FOXO3B: variants seen among roughly 807,000 people sequenced by gnomAD.
FOXO3B encodes forkhead box protein O3B.
In FOXO3B, 15 loss-of-function variants were observed where a neutral mutation model predicts 21.9. The ratio of observed to expected loss-of-function variants is 0.68; its 90% CI spans 0.46 to 1.05. The LOEUF (loss-of-function observed/expected upper bound fraction) is 1.05. Among genes scored for constraint, FOXO3B ranks in the 50% least tolerant of loss-of-function variants. The pLI is 0.00. For synonymous variants in FOXO3B, 135 were observed against 213.6 expected, an observed-to-expected ratio of 0.63 and a Z score of 3.21; for missense variants, 293 against 435.5, an observed-to-expected ratio of 0.67 and a Z score of 2.91.
In FOXO3B at chr17:18,671,968, A is replaced by T; in HGVS notation, c.*341T>A. Reference sequence around the variant, plus strand: ...CATGATGGGCGACAGGCGGCCACTGACTGTGCTGGCGTTAGAATTGGTGCG... The same window carrying T: ...CATGATGGGCGACAGGCGGCCACTGTCTGTGCTGGCGTTAGAATTGGTGCG... On this transcript the variant is annotated 3_prime_UTR_variant, in exon 4 of 4. Coordinates refer to ENST00000395675, the MANE Select transcript of FOXO3B (RefSeq NM_001368135.1). 1 of 1,613,342 alleles carries T rather than the reference A, an allele frequency of 6.2e-7. No individual in the cohort carries two copies. The highest frequency in any genetic ancestry group is 1.7e-5 in the Admixed American group (1 of 59,964).
chr17:18,672,242 C>G lies in FOXO3B; in HGVS notation c.*67G>C, dbSNP rs2032383191. On this transcript the variant is annotated 3_prime_UTR_variant, in exon 4 of 4. Transcript: ENST00000395675. This position sits in a 1 kb window ranked among gnomAD's most constrained non-coding sequence, Gnocchi z 4.2. ...TTGATGATCCACCAAGAGCTCTTGC[C>G]AGTTCCCTCATTCTGGACCCGCATG... The G allele has an allele frequency of 1.4e-5, 23 of 1,612,960 alleles. No individual in the cohort carries two copies. The highest frequency in any genetic ancestry group is 1.9e-5 in the Non-Finnish European group (22 of 1,179,186).
At chr17:18,680,265 TTTAAA>T (rs1347576379) in intron 3 of FOXO3B, among the ~76,000 whole-genome samples, 1 of 152,266 alleles carries the variant, frequency 6.6e-6, no homozygotes, top group Non-Finnish European at 1.5e-5. Context: ...ACTGTAACTC[TTTAAA>T]TTACGCCTTC....
intron 3 of FOXO3B, among the ~76,000 whole-genome samples, chr17:18,675,727 A>G (rs2649419): frequency 2.0e-5 from 3 of 152,168 alleles, no homozygotes; most frequent in Non-Finnish European, 4.4e-5. Context: ...AGTAACATAA[A>G]ATTATTCCAT....
chr17:18,676,213 T>G (rs202109202), intron 3 of FOXO3B, among the ~76,000 whole-genome samples: 2 of 152,190 alleles, frequency 1.3e-5, no homozygotes, highest in East Asian at 3.8e-4. Context: ...AAAACATCAT[T>G]TTGCATCCAT....
chr17:18,670,202 C>T lies in FOXO3B; in HGVS notation c.*2107G>A, dbSNP rs187724219. On this transcript the variant is annotated 3_prime_UTR_variant, in exon 4 of 4. Transcript: ENST00000395675. ...ACTGGGCTGGACGCTGTGCTCCACT[C>T]GTTTTGCCTATGCATGGTTCAGTCC... Among the ~76,000 whole-genome samples, 9 of 152,356 alleles carry T rather than the reference C, an allele frequency of 5.9e-5. No homozygotes were observed. The South Asian group carries it at 1.2e-3, about 21-fold the overall frequency.
Position 18,668,462 on chromosome 17 carries a change from G to A in FOXO3B, c.*3847C>T, listed in dbSNP as rs149886339. On this transcript the variant is annotated 3_prime_UTR_variant, in exon 4 of 4. Coordinates refer to ENST00000395675, the MANE Select transcript of FOXO3B (RefSeq NM_001368135.1). Reference sequence around the variant, plus strand: ...ACATTCTGCCTGAAATTCAACAAACGCTAGAAAAGGAGAATAAATGAGATA... The same window carrying A: ...ACATTCTGCCTGAAATTCAACAAACACTAGAAAAGGAGAATAAATGAGATA... 2.6e-3 allele frequency: 391 copies of A among 152,602 alleles called. 3 individuals are homozygous for A. Among genetic ancestry groups the A allele is most frequent in the African/African-American group, 9.0e-3 (372 of 41,492 alleles). 9.5% of individuals were successfully genotyped at this position (152,602 alleles called of 1,614,324 possible).
intron 3 of FOXO3B, among the ~76,000 whole-genome samples, chr17:18,680,395 T>C (rs1382600325): frequency 1.3e-5 from 2 of 152,112 alleles, no homozygotes; most frequent in Non-Finnish European, 2.9e-5. Context: ...ATACATGCTG[T>C]TTCCTCTAGA....
At chr17:18,679,442 T>C (rs942997397) in intron 3 of FOXO3B, among the ~76,000 whole-genome samples, 144 of 142,716 alleles carry the variant, frequency 1.0e-3, no homozygotes, top group Non-Finnish European at 1.8e-3. Flanking sequence ...GCTCCTTTTT[T>C]CCTCCTCAAC....
Position 18,672,686 on chromosome 17 carries a change from C to T in FOXO3B, c.496G>A (p.Gly166Ser), listed in dbSNP as rs971920564. 6.5e-5 allele frequency: 99 copies of T among 1,524,096 alleles called. No homozygotes were observed. The highest frequency in any genetic ancestry group is 8.2e-5 in the Non-Finnish European group (94 of 1,143,226). 94.4% of individuals were successfully genotyped at this position (1,524,096 alleles called of 1,614,324 possible). A position where few individuals can be genotyped will look rare whatever the true frequency, so the allele number is the denominator to read the frequency against. ...ACCAGCGTGCGGCTCCCGCCGCCGC[C>T]GCCGATCGCCATGGCCGAGCCGGCC... is the stretch of plus-strand genomic sequence containing the variant. ...GRAGSAMAIG[G>S]GGGSRTLVSG... Residue 166 changes from glycine (G) to serine (S), a missense_variant, in exon 4 of 4, where the codon GGC becomes AGC. This residue lies in a region of FOXO3B where 251 missense variants were observed against 404.0 expected (regional missense o/e 0.62). Transcript: ENST00000395675. This position sits in a 1 kb window ranked among gnomAD's most constrained non-coding sequence, Gnocchi z 4.2.
chr17:18,670,995 GA>G lies in FOXO3B; in HGVS notation c.*1313del. 1 of 1,331,326 alleles carries G rather than the reference GA, an allele frequency of 7.5e-7. No homozygotes were observed. The highest frequency in any genetic ancestry group is 1.3e-5 in the South Asian group (1 of 77,436). 82.5% of individuals were successfully genotyped at this position (1,331,326 alleles called of 1,614,324 possible). ...AACAACATTCTGTGTGGAGATGAGG[GA>G]ATCAAAGTTAAAATCCAACCCATCA... On this transcript the variant is annotated 3_prime_UTR_variant, in exon 4 of 4. Coordinates refer to ENST00000395675, the MANE Select transcript of FOXO3B (RefSeq NM_001368135.1).
intron 3 of FOXO3B, chr17:18,677,657 A>T: frequency 6.2e-7 from 1 of 1,607,244 alleles, no homozygotes; most frequent in Non-Finnish European, 8.5e-7. Flanking sequence ...GGGGCTTGGG[A>T]GGGGCTGAGG....
intron 3 of FOXO3B, chr17:18,677,390 G>A (rs1479222424): frequency 1.3e-5 from 21 of 1,613,938 alleles, no homozygotes; most frequent in East Asian, 2.2e-5. Flanking sequence ...ACGTGCTCAA[G>A]AGGGACTGGA....
In FOXO3B at chr17:18,672,617, C is replaced by T; in HGVS notation, c.565G>A (p.Gly189Arg). Residue 189 changes from glycine (G) to arginine (R), a missense_variant, in exon 4 of 4, where the codon GGA (glycine) becomes AGA (arginine). This residue lies in a region of FOXO3B where 251 missense variants were observed against 404.0 expected (regional missense o/e 0.62). Coordinates refer to ENST00000395675, the MANE Select transcript of FOXO3B (RefSeq NM_001368135.1). The surrounding 1 kb of genome is among the most constrained non-coding windows in gnomAD (Gnocchi z 4.2). ...GGCCCAGACCCGGGGTCTTGCCCTC[C>T]GGGTGCCAGCACCCGGACCGAGTCC... ...LEDSVRVLAP[G>R]GQDPGSGPAT... The T allele has an allele frequency of 6.9e-7, 1 of 1,441,102 alleles. No homozygotes were observed. Among genetic ancestry groups the T allele is most frequent in the Non-Finnish European group, 9.0e-7 (1 of 1,108,318 alleles). 89.3% of individuals were successfully genotyped at this position (1,441,102 alleles called of 1,614,324 possible).
intron 3 of FOXO3B, among the ~76,000 whole-genome samples, chr17:18,674,424 G>C (rs1006840704): frequency 6.8e-6 from 1 of 146,652 alleles, no homozygotes; most frequent in Non-Finnish European, 1.5e-5. Context: ...AGGAGATCGA[G>C]ATCATCCTGG....
In FOXO3B at chr17:18,672,871, T is replaced by C. The variant is rs775550302; in HGVS notation, c.311A>G (p.Asp104Gly). 97 of 1,560,516 alleles carry C rather than the reference T, an allele frequency of 6.2e-5. No individual in the cohort carries two copies. The highest frequency in any genetic ancestry group is 7.4e-5 in the Non-Finnish European group (85 of 1,155,568). The change falls in exon 4 of 4, where the codon GAC becomes GGC. Residue 104 changes from aspartate to glycine, a missense_variant. Transcript: ENST00000395675. This position sits in a 1 kb window ranked among gnomAD's most constrained non-coding sequence, Gnocchi z 4.2. Reference sequence around the variant, plus strand: ...ACGGCTCTGGGGCTCGAACTCCGGGTCCAGCTCCACTTCGAGCGGAGAAAG... The same window carrying C: ...ACGGCTCTGGGGCTCGAACTCCGGGCCCAGCTCCACTTCGAGCGGAGAAAG... ...APLSPLEVEL[D>G]PEFEPQSRPR... is the part of the protein sequence containing the mutation.
rs1243239278 is a variant in FOXO3B at position 18,672,449 on chromosome 17, G to C, written c.733C>G (p.Leu245Val). ...CSSRRNAWGNLSYADLITRAI... is the reference protein window; with the variant it reads ...CSSRRNAWGNVSYADLITRAI... ...CGGGTGATCAGGTCCGCGTAGGACA[G>C]GTTTCCCCAGGCGTTCCGCCGCGAC... The change falls in exon 4 of 4, where the codon CTG becomes GTG. Residue 245 changes from leucine to valine, a missense_variant. By Grantham distance (32) the Leu-to-Val change is conservative. Around this residue, in one of 2 missense-constraint regions of FOXO3B, gnomAD observed 251 missense variants for 404.0 expected, o/e 0.62. Coordinates refer to ENST00000395675, the MANE Select transcript of FOXO3B (RefSeq NM_001368135.1). The surrounding 1 kb of genome is among the most constrained non-coding windows in gnomAD (Gnocchi z 4.2). 911 of 1,603,502 alleles carry C rather than the reference G, an allele frequency of 5.7e-4. 5 individuals are homozygous for C. The highest frequency in any genetic ancestry group is 5.4e-5 in the Non-Finnish European group (63 of 1,174,942).
intron 3 of FOXO3B, among the ~76,000 whole-genome samples, chr17:18,673,553 G>A (rs1277308892): frequency 1.3e-5 from 2 of 152,142 alleles, no homozygotes; most frequent in African/African-American, 4.8e-5. Flanking sequence ...TAGGTCCTCT[G>A]ATGCCAAAGC....
chr17:18,671,902 G>A lies in FOXO3B; in HGVS notation c.*407C>T, dbSNP rs2032373160. 4 of 1,613,576 alleles carry A rather than the reference G, an allele frequency of 2.5e-6. No individual in the cohort carries two copies. Among genetic ancestry groups the A allele is most frequent in the South Asian group, 1.1e-5 (1 of 91,054 alleles). ...GCTGCTGTAGAGCATGGGCGAGAGA[G>A]GCGCATCGTCGTCCTGGACTTCATC... On this transcript the variant is annotated 3_prime_UTR_variant, in exon 4 of 4. Transcript: ENST00000395675.
At chr17:18,677,129 C>G in intron 3 of FOXO3B, 2 of 741,022 alleles carry the variant, frequency 2.7e-6, no homozygotes, top group Non-Finnish European at 4.4e-6. Flanking sequence ...GCATGTGGAA[C>G]AACTAGAACG....
Sources: allele counts gnomAD v4.1 joint callset (sites outside exome capture counted in the v4.1 genomes callset), GRCh38; gene constraint gnomAD v4.1.1; regional missense constraint gnomAD v4.1.1; non-coding constraint Gnocchi (gnomAD v3.1); transcripts MANE v1.5; gene names NCBI Gene and HGNC (gene_info 2026-07-23, HGNC 2026-07-21).